Variants in MACIR observed in about 807,000 individuals in gnomAD.
The protein encoded by MACIR is UNC119-binding protein C5orf30.
A neutral mutation model predicts 14.3 loss-of-function variants in MACIR; 4 were observed. The ratio of observed to expected loss-of-function variants is 0.28; its 90% confidence interval spans 0.14 to 0.64. The LOEUF (loss-of-function observed/expected upper bound fraction) is 0.64. Ranked by LOEUF, MACIR falls within the 30% of genes least tolerant of loss-of-function variation. The probability of loss-of-function intolerance (pLI) is 0.83; values close to 1 mark genes in which losing one functional copy is unlikely to be tolerated. For synonymous variants in MACIR, 101 were observed against 102.4 expected, an observed-to-expected ratio of 0.99 and a Z score of 0.08; for missense variants, 228 against 257.6, an observed-to-expected ratio of 0.89 and a Z score of 0.79.
At chr5:103,268,907 G>C (rs1805024493) in intron 2 of MACIR, among the ~76,000 whole-genome samples, 1 of 152,132 alleles carries the variant, frequency 6.6e-6, no homozygotes, top group South Asian at 2.1e-4. Flanking sequence ...TTATGTCCAA[G>C]ATGATTCTGG....
rs1487674725 is a variant in MACIR at position 103,278,541 on chromosome 5, G to A, written c.*2001G>A. 1.2e-5 allele frequency: 2 copies of A among 167,034 alleles called. No individual in the cohort carries two copies. The highest frequency in any genetic ancestry group is 1.5e-5 in the Non-Finnish European group (1 of 68,106). 10.3% of individuals were successfully genotyped at this position (167,034 alleles called of 1,614,324 possible). Reference sequence around the variant, plus strand: ...TCATTGGCATTTTATGATAAAAGATGTATTCATGGCAATGATATGTATTCA... The same window carrying A: ...TCATTGGCATTTTATGATAAAAGATATATTCATGGCAATGATATGTATTCA... On this transcript the variant is annotated 3_prime_UTR_variant, in exon 3 of 3. Coordinates refer to ENST00000319933, the MANE Select transcript of MACIR (RefSeq NM_033211.4).
At chr5:103,263,037 C>T (rs1466911004) in intron 1 of MACIR, among the ~76,000 whole-genome samples, 1 of 152,106 alleles carries the variant, frequency 6.6e-6, no homozygotes, top group African/African-American at 2.4e-5. Context: ...TTTTATATTA[C>T]AATCTTTTAA....
At chr5:103,264,643 A>G (rs1205896479) in intron 1 of MACIR, among the ~76,000 whole-genome samples, 1 of 152,148 alleles carries the variant, frequency 6.6e-6, no homozygotes, top group African/African-American at 2.4e-5. Flanking sequence ...GGCAAAATAC[A>G]TGAAAGGGAG....
At chr5:103,267,184 C>G (rs1160041936) in intron 2 of MACIR, among the ~76,000 whole-genome samples, 1 of 152,010 alleles carries the variant, frequency 6.6e-6, no homozygotes, top group Admixed American at 6.6e-5. Flanking sequence ...AGGACTTCCC[C>G]CAGGTACCAA....
At chr5:103,259,648 C>T (rs1467643670) in intron 1 of MACIR, 2 of 152,610 alleles carry the variant, frequency 1.3e-5, no homozygotes, top group Non-Finnish European at 2.9e-5. Context: ...CTCCGAGTGT[C>T]TGCCGGTGCA....
At chr5:103,268,162 G>A (rs1804993837) in intron 2 of MACIR, among the ~76,000 whole-genome samples, 1 of 152,146 alleles carries the variant, frequency 6.6e-6, no homozygotes, top group African/African-American at 2.4e-5. Flanking sequence ...GTGTTTGTAT[G>A]GACGTGTATT....
chr5:103,276,926 CT>C lies in MACIR; in HGVS notation c.*388del, dbSNP rs140558227. The C allele has an allele frequency of 0.017, 2,935 of 173,146 alleles. 82 individuals are homozygous for C. Among genetic ancestry groups the C allele is most frequent in the African/African-American group, 0.067 (2,812 of 41,720 alleles). The allele number at this position is 173,146 out of a possible 1,614,324, so 10.7% of individuals were successfully genotyped here. The stretch of plus-strand genomic sequence containing the variant: ...AATTTATATCTTCAGTACTCAAGTA[CT>C]TCTTGAATCTCTGTATTTTACTATA... On this transcript the variant is annotated 3_prime_UTR_variant, in exon 3 of 3. Transcript: ENST00000319933.
At chr5:103,272,914 A>T (rs1156291804) in intron 2 of MACIR, among the ~76,000 whole-genome samples, 1 of 152,176 alleles carries the variant, frequency 6.6e-6, no homozygotes, top group Non-Finnish European at 1.5e-5. Flanking sequence ...AAAAATACTG[A>T]TGTTTGATAG....
chr5:103,277,746 AT>A lies in MACIR; in HGVS notation c.*1207del, dbSNP rs1261256957. 1.8e-5 allele frequency: 3 copies of A among 167,058 alleles called. No homozygotes were observed. The highest frequency in any genetic ancestry group is 1.9e-4 in the East Asian group (1 of 5,206). The allele number at this position is 167,058 out of a possible 1,614,324, so 10.3% of individuals were successfully genotyped here. On this transcript the variant is annotated 3_prime_UTR_variant, in exon 3 of 3. Transcript: ENST00000319933. ...TTCTTGAATATATTTTGAAAAAAAA[AT>A]GTATGTAACTTACCTTTTGTAAACG...
intron 1 of MACIR, among the ~76,000 whole-genome samples, chr5:103,261,638 TTTTCTTTC>T (rs781826997): frequency 0.12 from 11,958 of 96,712 alleles, 790 homozygotes; most frequent in South Asian, 0.16. Flanking sequence ...CTGTTTTTCT[TTTTCTTTC>T]TTTCTTTCTT....
At chr5:103,273,169 A>G (rs1338101784) in intron 2 of MACIR, among the ~76,000 whole-genome samples, 2 of 152,090 alleles carry the variant, frequency 1.3e-5, no homozygotes, top group African/African-American at 4.8e-5. Context: ...TTCCATAGTG[A>G]ATGTTTTGTC....
At chr5:103,259,537 G>T (rs1456368405) in intron 1 of MACIR, 2 of 152,204 alleles carry the variant, frequency 1.3e-5, no homozygotes, top group Non-Finnish European at 2.9e-5. Context: ...CTCAGGGTGC[G>T]ACTGCCCGGG....
chr5:103,258,492 T>G (rs1261813136), upstream of MACIR, among the ~76,000 whole-genome samples: 1 of 151,968 alleles, frequency 6.6e-6, no homozygotes, highest in Non-Finnish European at 1.5e-5. Context: ...AGAGCGGGTG[T>G]TGCGACTCCT....
chr5:103,269,688 G>T (rs1554236973), intron 2 of MACIR, among the ~76,000 whole-genome samples: 1 of 152,108 alleles, frequency 6.6e-6, no homozygotes, highest in Non-Finnish European at 1.5e-5. Flanking sequence ...CTTGAAGAGT[G>T]TTCAAAGCTG....
intron 1 of MACIR, among the ~76,000 whole-genome samples, chr5:103,261,705 C>CCTTTCTTTCTTT (rs149579800): frequency 6.4e-5 from 4 of 62,824 alleles, no homozygotes; most frequent in Non-Finnish European, 1.2e-4. Context: ...TTTCTTTCTT[C>CCTTTCTTTCTTT]CTTTCTTTCT....
In MACIR at chr5:103,269,892, G is replaced by A. The variant is rs150249925; in HGVS notation, c.-24+3895G>A. 6.2e-4 allele frequency among the ~76,000 whole-genome samples: 94 copies of A among 152,174 alleles called. 1 individual carries two copies. The highest frequency in any genetic ancestry group is 2.2e-3 in the African/African-American group (91 of 41,478). Reference sequence around the variant, plus strand: ...TGTAATATATATAAATGAATGAAATGTTATCTTTCCTTTTTTGAAGGAAAG... The same window carrying A: ...TGTAATATATATAAATGAATGAAATATTATCTTTCCTTTTTTGAAGGAAAG... On this transcript the variant is annotated intron_variant, in intron 2 of 2. Transcript: ENST00000319933.
chr5:103,272,425 G>C (rs1470318807), intron 2 of MACIR, among the ~76,000 whole-genome samples: 1 of 151,436 alleles, frequency 6.6e-6, no homozygotes, highest in Admixed American at 6.6e-5. Flanking sequence ...TCTGCAGATG[G>C]GACAGTGTCT....
At chr5:103,261,076 C>A (rs886767709) in intron 1 of MACIR, among the ~76,000 whole-genome samples, 1 of 152,092 alleles carries the variant, frequency 6.6e-6, no homozygotes, top group Non-Finnish European at 1.5e-5. Flanking sequence ...ATATTAGTAA[C>A]CTAGGTTTAA....
chr5:103,276,393 T>G lies in MACIR; in HGVS notation c.474T>G (p.Leu158=). ...ATGGGCCTCTGCCTCTTTGTCTTCT[T>G]AAAGGTAAGAGGGCTCACTCCAAAT... ...ALHGPLPLCL[L]KGKRAHSKSL... Residue 158 remains leucine, a synonymous_variant, in exon 3 of 3, where the codon CTT becomes CTG. Coordinates refer to ENST00000319933, the MANE Select transcript of MACIR (RefSeq NM_033211.4). 2 of 1,613,898 alleles carry G rather than the reference T, an allele frequency of 1.2e-6. No homozygotes were observed. The highest frequency in any genetic ancestry group is 1.7e-6 in the Non-Finnish European group (2 of 1,179,996).
Sources: gnomAD v4.1 joint callset for allele counts (sites outside exome capture counted in the v4.1 genomes callset) on GRCh38, gnomAD v4.1.1 for gene constraint, MANE v1.5 for transcripts, NCBI Gene and HGNC (gene_info 2026-07-23, HGNC 2026-07-21) for gene names.